Variants in TEX9 observed in about 807,000 individuals in gnomAD.
TEX9 encodes the protein testis expressed 9, also known as testis-expressed protein 9.
Under a neutral mutation model 59.6 loss-of-function variants are expected in TEX9, and 74 were observed. The ratio of observed to expected loss-of-function variants is 1.24; its 90% CI spans 1.03 to 1.51. TEX9 has a LOEUF of 1.51. Among genes scored for constraint, TEX9 ranks in the 40% most tolerant of loss-of-function variants. The pLI is 0.00. For missense variants in TEX9, 522 were observed against 447.8 expected (o/e 1.17, Z -1.49); for synonymous variants, 186 against 152.2 (o/e 1.22, Z -1.64).
At chr15:56,394,889 A>G (rs568013131) in intron 9 of TEX9, 55 bp downstream of exon 9, 3 of 1,534,336 alleles carry the variant, frequency 2.0e-6, no homozygotes, top group Non-Finnish European at 2.6e-6. Flanking sequence ...AAAATTATTA[A>G]GGTTACACAT....
In TEX9 at chr15:56,356,147, AC is replaced by A. The variant is rs2046680591; in HGVS notation, c.-106-17292del. 1.3e-5 allele frequency among the ~76,000 whole-genome samples: 2 copies of A among 152,154 alleles called. 1 individual carries two copies. On this transcript the variant is annotated intron_variant, in intron 1 of 5. Coordinates refer to the TEX9 transcript ENST00000560827. ...GATTGGCCTCGTTATACAAGGTGGA[AC>A]CTTCAGTTCTTCAGTATGATTATAA...
chr15:56,322,883 T>C (rs2045933532), intron 1 of TEX9, among the ~76,000 whole-genome samples: 1 of 152,030 alleles, frequency 6.6e-6, no homozygotes. Context: ...GTGGGAATGA[T>C]GCTAAGAGTA....
intron 1 of TEX9, among the ~76,000 whole-genome samples, chr15:56,265,520 C>T (rs1156242482): frequency 4.6e-5 from 7 of 152,062 alleles, no homozygotes; most frequent in South Asian, 2.1e-4. Context: ...ACTATGAGGG[C>T]AGCTTTATCT....
At chr15:56,433,014 T>A (rs1385540953) in intron 12 of TEX9, among the ~76,000 whole-genome samples, 1 of 152,160 alleles carries the variant, frequency 6.6e-6, no homozygotes, top group Non-Finnish European at 1.5e-5. Context: ...CATAAATAAG[T>A]CAATGTATCC....
the TEX9 span, among the ~76,000 whole-genome samples, chr15:56,458,693 G>A: frequency 1.2e-4 from 18 of 152,108 alleles, no homozygotes; most frequent in African/African-American, 3.6e-4. Flanking sequence ...TCACATAGTC[G>A]GAATTATACA....
At chr15:56,333,114 A>C (rs145310686) in intron 1 of TEX9, among the ~76,000 whole-genome samples, 1 of 152,112 alleles carries the variant, frequency 6.6e-6, no homozygotes. Flanking sequence ...AATAACAATC[A>C]TACTCCAACT....
At chr15:56,300,500 A>G (rs2045319458) in intron 1 of TEX9, among the ~76,000 whole-genome samples, 1 of 151,484 alleles carries the variant, frequency 6.6e-6, no homozygotes, top group Non-Finnish European at 1.5e-5. Flanking sequence ...GCCTGGCTGG[A>G]TTTGCCATCT....
At chr15:56,398,861 T>C (rs1465917225) in intron 9 of TEX9, among the ~76,000 whole-genome samples, 1 of 152,032 alleles carries the variant, frequency 6.6e-6, no homozygotes, top group Non-Finnish European at 1.5e-5. Flanking sequence ...TGGCCAGGCA[T>C]GGTGGTTGAT....
chr15:56,252,646 T>A (rs2044051825), intron 1 of TEX9, among the ~76,000 whole-genome samples: 1 of 152,096 alleles, frequency 6.6e-6, no homozygotes, highest in Admixed American at 6.6e-5. Context: ...AGGAAAAGAG[T>A]CTGCTGCGTG....
intron 12 of TEX9, chr15:56,429,097 G>A (rs1192873510): frequency 1.3e-6 from 2 of 1,562,394 alleles, no homozygotes; most frequent in Non-Finnish European, 1.7e-6. Flanking sequence ...CAATTTTGAT[G>A]ATATCATTTC....
intron 1 of TEX9, among the ~76,000 whole-genome samples, chr15:56,339,044 G>A (rs1447100408): frequency 6.6e-6 from 1 of 152,040 alleles, no homozygotes; most frequent in Admixed American, 6.6e-5. Context: ...TTCTGTGGGA[G>A]GGCCTAGTAG....
In TEX9 at chr15:56,406,217, T is replaced by G. The variant is rs562052098; in HGVS notation, c.829-6085T>G. On this transcript the variant is annotated intron_variant, in intron 9 of 12. Transcript: ENST00000352903. ...TACAAATGAAATCGTGAATATGGAC[T>G]TTTGTATATCTGGCTATTTTTCTTC... Among the ~76,000 whole-genome samples the G allele has an allele frequency of 3.9e-5, 6 of 152,322 alleles. No homozygotes were observed. The South Asian group carries it at 1.2e-3, about 32-fold the overall frequency.
chr15:56,439,243 A>G (rs1271736998), intron 12 of TEX9, among the ~76,000 whole-genome samples: 2 of 152,180 alleles, frequency 1.3e-5, no homozygotes, highest in African/African-American at 4.8e-5. Context: ...TGCTGAAACT[A>G]GAGAATCCTG....
At chr15:56,274,546 T>C (rs2044624558) in intron 1 of TEX9, 1 of 152,186 alleles carries the variant, frequency 6.6e-6, no homozygotes, top group South Asian at 2.1e-4. Flanking sequence ...ATGAAATGCT[T>C]CATGAATTTG....
chr15:56,402,524 C>G (rs577964254), intron 9 of TEX9, among the ~76,000 whole-genome samples: 2 of 152,210 alleles, frequency 1.3e-5, no homozygotes, highest in African/African-American at 4.8e-5. Flanking sequence ...GAATCCAGAA[C>G]CAGATGGATT....
rs71110391 is a variant in TEX9, at chr15:56,426,589, G to GTATATATATATATA, written c.964-991_964-978dup. Among the ~76,000 whole-genome samples, 65 of 24,312 alleles carry GTATATATATATATA rather than the reference G, an allele frequency of 2.7e-3. 1 individual carries two copies. Among genetic ancestry groups the GTATATATATATATA allele is most frequent in the Non-Finnish European group, 7.1e-3 (41 of 5,766 alleles). 15.9% of individuals were successfully genotyped at this position (24,312 alleles called of 152,430 possible). On this transcript the variant is annotated intron_variant, in intron 10 of 12. Coordinates refer to ENST00000352903, the Ensembl canonical transcript of TEX9. ...TTTTTTTTTTTTTTTTTGAAAAGGT[G>GTATATATATATATA]TATATATATATATATATATATATAT...
At chr15:56,247,958 GA>G (rs1378346556) in intron 1 of TEX9, among the ~76,000 whole-genome samples, 7 of 152,134 alleles carry the variant, frequency 4.6e-5, no homozygotes, top group Admixed American at 2.6e-4. Flanking sequence ...TGTTATTTAA[GA>G]GAACAAGGAA....
chr15:56,383,399 G>A (rs1256023877), intron 3 of TEX9, among the ~76,000 whole-genome samples: 4 of 152,210 alleles, frequency 2.6e-5, no homozygotes, highest in Non-Finnish European at 5.9e-5. Flanking sequence ...TGATGTTTTT[G>A]TGTGCAGGTA....
downstream of TEX9, among the ~76,000 whole-genome samples, chr15:56,450,294 T>A (rs1378960124): frequency 6.6e-6 from 1 of 151,884 alleles, no homozygotes; most frequent in Non-Finnish European, 1.5e-5. Flanking sequence ...TCCTAACCAT[T>A]TTTAAATGTA....
Sources: gnomAD v4.1 joint callset for allele counts (sites outside exome capture counted in the v4.1 genomes callset) on GRCh38, gnomAD v4.1.1 for gene constraint, MANE v1.5 for transcripts, NCBI Gene and HGNC (gene_info 2026-07-23, HGNC 2026-07-21) for gene names.